RBM46: variants seen among roughly 807,000 people sequenced by gnomAD.
The protein encoded by RBM46 is probable RNA-binding protein 46.
In RBM46, 12 loss-of-function variants were observed where a neutral mutation model predicts 43.3. The observed-to-expected ratio is 0.28, with a 90% confidence interval of 0.18 to 0.45. The LOEUF (loss-of-function observed/expected upper bound fraction) is 0.45. RBM46 is among the 20% of genes least tolerant of loss of function. RBM46 has a pLI of 1.00. For synonymous variants in RBM46, 205 were observed against 207.6 expected, an observed-to-expected ratio of 0.99 and a Z score of 0.11; for missense variants, 412 against 639.1, an observed-to-expected ratio of 0.64 and a Z score of 3.83.
intron 1 of RBM46, among the ~76,000 whole-genome samples, chr4:154,794,107 T>G (rs929327119): frequency 1.3e-5 from 2 of 152,058 alleles, no homozygotes; most frequent in Non-Finnish European, 2.9e-5. Flanking sequence ...GTCAGACCCC[T>G]TATCCCTTCC....
At chr4:154,807,239 C>A (rs1734949474) in intron 4 of RBM46, among the ~76,000 whole-genome samples, 1 of 151,504 alleles carries the variant, frequency 6.6e-6, no homozygotes, top group Non-Finnish European at 1.5e-5. Flanking sequence ...TGTAGCAGTT[C>A]ATAATTTTGC....
At chr4:154,804,824 T>G (rs1306594357) in intron 4 of RBM46, among the ~76,000 whole-genome samples, 1 of 151,518 alleles carries the variant, frequency 6.6e-6, no homozygotes, top group Admixed American at 6.6e-5. Flanking sequence ...GTTTTTTTTT[T>G]TTTTTTTTTT....
chr4:154,801,826 G>T (rs1488881573), intron 4 of RBM46, among the ~76,000 whole-genome samples: 2 of 152,024 alleles, frequency 1.3e-5, no homozygotes, highest in Non-Finnish European at 1.5e-5. Flanking sequence ...TAGTTAAACC[G>T]ATAGTTCCCT....
intron 1 of RBM46, among the ~76,000 whole-genome samples, chr4:154,792,477 T>A (rs1209165904): frequency 2.0e-5 from 3 of 152,192 alleles, no homozygotes; most frequent in Non-Finnish European, 4.4e-5. Context: ...CCGTGTCTCA[T>A]TCATTGAATG....
intron 4 of RBM46, among the ~76,000 whole-genome samples, chr4:154,799,829 G>T (rs978289150): frequency 7.0e-6 from 1 of 143,424 alleles, no homozygotes; most frequent in African/African-American, 2.6e-5. Flanking sequence ...GCATGATCTT[G>T]GCTCATTGCA....
intron 1 of RBM46, among the ~76,000 whole-genome samples, chr4:154,795,069 C>G (rs1734285203): frequency 6.6e-6 from 1 of 152,128 alleles, no homozygotes; most frequent in Non-Finnish European, 1.5e-5. Context: ...GCAGGCTCTG[C>G]TGTGCAGTTT....
intron 4 of RBM46, 107 bp from the exon 5 acceptor site, chr4:154,827,761 T>G (rs1179256809): frequency 6.4e-7 from 1 of 1,558,300 alleles, no homozygotes; most frequent in Non-Finnish European, 8.7e-7. Context: ...ATTTCCAGTG[T>G]TAGAACATTA....
At chr4:154,791,237 C>G (rs1254498573) in intron 1 of RBM46, among the ~76,000 whole-genome samples, 2 of 152,102 alleles carry the variant, frequency 1.3e-5, no homozygotes, top group Non-Finnish European at 2.9e-5. Flanking sequence ...CATTGTGATC[C>G]TTTTAAGAGG....
chr4:154,796,741 G>T lies in RBM46; in HGVS notation c.-11-1G>T. The T allele has an allele frequency of 1.3e-6, 2 of 1,589,590 alleles. No homozygotes were observed. Among genetic ancestry groups the T allele is most frequent in the Non-Finnish European group, 1.7e-6 (2 of 1,168,064 alleles). ...ACCAGTGTTATTAAACTTTATTTTA[G>T]GAACTGCAACCATGAATGAAGAAAA... On this transcript the variant is annotated splice_acceptor_variant, in intron 1 of 4. Transcript: ENST00000281722. LOFTEE classifies it low-confidence loss of function (5UTR_SPLICE).
chr4:154,814,264 A>G (rs570234247), intron 4 of RBM46, among the ~76,000 whole-genome samples: 15 of 152,122 alleles, frequency 9.9e-5, no homozygotes, highest in African/African-American at 2.9e-4. Flanking sequence ...ACTTTTTGAC[A>G]TGCCTTTTCT....
chr4:154,793,813 T>C (rs531184345), intron 1 of RBM46, among the ~76,000 whole-genome samples: 1 of 152,338 alleles, frequency 6.6e-6, no homozygotes, highest in South Asian at 2.1e-4. Context: ...AGATGGTGCA[T>C]TGGACTTTAT....
intron 1 of RBM46, among the ~76,000 whole-genome samples, chr4:154,793,343 G>A (rs1734195094): frequency 6.6e-6 from 1 of 151,988 alleles, no homozygotes; most frequent in African/African-American, 2.4e-5. Context: ...TTATATCTTT[G>A]TATACTCTTG....
At chr4:154,793,476 G>T (rs1323085270) in intron 1 of RBM46, among the ~76,000 whole-genome samples, 1 of 152,188 alleles carries the variant, frequency 6.6e-6, no homozygotes, top group Non-Finnish European at 1.5e-5. Context: ...TGCTAGCAGT[G>T]TATGAAGTCT....
chr4:154,810,138 TTC>T (rs1461608856), intron 4 of RBM46, among the ~76,000 whole-genome samples: 2 of 152,100 alleles, frequency 1.3e-5, no homozygotes, highest in African/African-American at 2.4e-5. Context: ...TTGTATATAT[TTC>T]TCTGTTTCTA....
At chr4:154,802,763 T>G (rs904569155) in intron 4 of RBM46, among the ~76,000 whole-genome samples, 18 of 152,172 alleles carry the variant, frequency 1.2e-4, no homozygotes, top group African/African-American at 3.9e-4. Flanking sequence ...GTTTTTAAGA[T>G]ATTTTCTTTG....
Position 154,798,834 on chromosome 4 carries a change from G to A in RBM46, c.672G>A (p.Glu224=), listed in dbSNP as rs149479220. Residue 224 remains glutamate (E), a synonymous_variant, in exon 4 of 5, where the codon GAG becomes GAA. Coordinates refer to ENST00000281722, the MANE Select transcript of RBM46 (RefSeq NM_144979.5). ...TTCAGGTAGATTGGGCTGACCCAGAGAAAGAGGTGGATGAGGAAACCATGC... is the reference window on the plus strand; with the variant it reads ...TTCAGGTAGATTGGGCTGACCCAGAAAAAGAGGTGGATGAGGAAACCATGC... ...HTIQVDWADP[E]KEVDEETMQR... is the part of the protein sequence containing the mutation. 6.9e-5 allele frequency: 110 copies of A among 1,589,280 alleles called. No homozygotes were observed. In the African/African-American group the frequency reaches 1.4e-3, roughly 20 times the overall value.
intron 4 of RBM46, among the ~76,000 whole-genome samples, 194 bp downstream of exon 4, chr4:154,799,758 T>TAG (rs1734531047): frequency 4.8e-5 from 2 of 41,670 alleles, no homozygotes; most frequent in Admixed American, 7.4e-4. Flanking sequence ...AGCTTTTCTT[T>TAG]TTTTTTTTTT....
intron 4 of RBM46, among the ~76,000 whole-genome samples, chr4:154,824,490 T>G (rs1010675397): frequency 3.9e-5 from 6 of 152,076 alleles, no homozygotes; most frequent in African/African-American, 1.4e-4. Context: ...TTGAAGTATA[T>G]TCACACAATG....
At chr4:154,827,117 C>T in intron 4 of RBM46, 3 of 1,026,450 alleles carry the variant, frequency 2.9e-6, no homozygotes, top group Non-Finnish European at 2.4e-6. Context: ...GTTAATGAAA[C>T]AGGAAATTAT....
Sources: allele counts gnomAD v4.1 joint callset (sites outside exome capture counted in the v4.1 genomes callset), GRCh38; gene constraint gnomAD v4.1.1; transcripts MANE v1.5; gene names NCBI Gene and HGNC (gene_info 2026-07-23, HGNC 2026-07-21).